GLIS3: variants seen among roughly 807,000 people sequenced by gnomAD.
The protein encoded by GLIS3 is GLIS family zinc finger 3.
In GLIS3, 53 loss-of-function variants were observed where a neutral mutation model predicts 78.6. The ratio of observed to expected loss-of-function variants is 0.67; its 90% CI spans 0.54 to 0.85. GLIS3 has a LOEUF of 0.85. Ranked by LOEUF, GLIS3 falls within the 40% of genes least tolerant of loss-of-function variation. The pLI, the probability that GLIS3 is intolerant of heterozygous loss-of-function variation, is 0.00. For synonymous variants in GLIS3, 684 were observed against 509.9 expected (o/e 1.34, Z -4.60); for missense variants, 1,703 against 1,231.1 (o/e 1.38, Z -5.74).
At chr9:4,063,309 T>C (rs1826811753) in intron 4 of GLIS3, among the ~76,000 whole-genome samples, 1 of 152,186 alleles carries the variant, frequency 6.6e-6, no homozygotes, top group African/African-American at 2.4e-5. Flanking sequence ...GGAAGAGACT[T>C]TTTATGGGTA....
intron 4 of GLIS3, among the ~76,000 whole-genome samples, chr9:4,076,157 C>G (rs1828036297): frequency 6.6e-6 from 1 of 152,116 alleles, no homozygotes; most frequent in Non-Finnish European, 1.5e-5. Flanking sequence ...GTTGATTAAA[C>G]AATACATTTT....
At chr9:4,201,158 G>A (rs1024950424) in intron 2 of GLIS3, among the ~76,000 whole-genome samples, 2 of 152,034 alleles carry the variant, frequency 1.3e-5, no homozygotes, top group South Asian at 2.1e-4. Flanking sequence ...AAAACCTCAA[G>A]AAACTAGGCA....
At chr9:4,330,595 T>G (rs1817670272) in intron 2 of GLIS3, among the ~76,000 whole-genome samples, 2 of 139,006 alleles carry the variant, frequency 1.4e-5, no homozygotes, top group African/African-American at 2.9e-5. Flanking sequence ...GAAGGTTGGA[T>G]GGAGATGAGG....
At chr9:4,290,618 T>TA (rs1353142891) in intron 1 of GLIS3, among the ~76,000 whole-genome samples, 1 of 152,138 alleles carries the variant, frequency 6.6e-6, no homozygotes, top group Non-Finnish European at 1.5e-5. Flanking sequence ...CAAGGACAGA[T>TA]AGAGCTGAAT....
At chr9:4,068,286 G>A (rs1169089891) in intron 4 of GLIS3, among the ~76,000 whole-genome samples, 1 of 151,562 alleles carries the variant, frequency 6.6e-6, no homozygotes, top group Non-Finnish European at 1.5e-5. Context: ...GCGCAAGAAA[G>A]TTATAGAAAA....
intron 4 of GLIS3, among the ~76,000 whole-genome samples, chr9:4,106,602 G>C (rs1830771932): frequency 2.0e-5 from 3 of 152,108 alleles, no homozygotes; most frequent in African/African-American, 7.2e-5. Flanking sequence ...TTTTTTCCTT[G>C]AGTGTGTGCC....
chr9:4,191,881 A>G (rs1043412792), intron 2 of GLIS3, among the ~76,000 whole-genome samples: 4 of 152,092 alleles, frequency 2.6e-5, no homozygotes, highest in African/African-American at 9.6e-5. Context: ...AATTAATATT[A>G]AATATTAATT....
At chr9:3,849,998 C>T (rs866420451) in intron 9 of GLIS3, among the ~76,000 whole-genome samples, 2 of 152,006 alleles carry the variant, frequency 1.3e-5, no homozygotes, top group African/African-American at 2.4e-5. Context: ...AAATGAACCC[C>T]GAAAAATCTT....
intron 8 of GLIS3, among the ~76,000 whole-genome samples, chr9:3,876,662 G>A (rs1038638599): frequency 1.5e-3 from 2 of 1,312 alleles, no homozygotes; most frequent in Non-Finnish European, 3.4e-3. Flanking sequence ...GAGAGAAAGA[G>A]AGAGAGAAAG....
chr9:4,008,894 C>T (rs2130002494), intron 4 of GLIS3, among the ~76,000 whole-genome samples: 1 of 152,012 alleles, frequency 6.6e-6, no homozygotes, highest in South Asian at 2.1e-4. Context: ...GCACTTGACC[C>T]AGCAGAGTCA....
intron 6 of GLIS3, among the ~76,000 whole-genome samples, chr9:3,918,387 G>T (rs1437382573): frequency 2.0e-5 from 3 of 152,130 alleles, no homozygotes; most frequent in Non-Finnish European, 4.4e-5. Context: ...GAAAAACCAT[G>T]ACAGTGTCTC....
At chr9:4,168,827 T>C (rs1289677373) in intron 2 of GLIS3, among the ~76,000 whole-genome samples, 1 of 152,134 alleles carries the variant, frequency 6.6e-6, no homozygotes, top group Non-Finnish European at 1.5e-5. Context: ...TCCACAAAAA[T>C]AGACAGAAGC....
At chr9:4,323,433 T>C (rs1436365246) in intron 2 of GLIS3, among the ~76,000 whole-genome samples, 3 of 152,248 alleles carry the variant, frequency 2.0e-5, no homozygotes, top group Non-Finnish European at 4.4e-5. Context: ...TGTTATGTTG[T>C]CTGTATTCGT....
At chr9:4,292,619 T>C (rs989195412) in intron 1 of GLIS3, among the ~76,000 whole-genome samples, 4 of 152,352 alleles carry the variant, frequency 2.6e-5, no homozygotes, top group African/African-American at 7.2e-5. Context: ...GCTTCATTCC[T>C]ACCACTGCTA....
chr9:3,943,100 T>G (rs1816053654), intron 4 of GLIS3, among the ~76,000 whole-genome samples: 1 of 152,158 alleles, frequency 6.6e-6, no homozygotes, highest in Admixed American at 6.5e-5. Flanking sequence ...TGCTTCTCCT[T>G]CGATGGACTT....
intron 2 of GLIS3, among the ~76,000 whole-genome samples, chr9:4,253,359 C>T (rs1824580401): frequency 6.6e-6 from 1 of 152,210 alleles, no homozygotes; most frequent in South Asian, 2.1e-4. Flanking sequence ...TGCCAAGGTG[C>T]AGTGGGCTCT....
the GLIS3 span, among the ~76,000 whole-genome samples, chr9:4,373,226 A>T: frequency 8.5e-5 from 13 of 152,338 alleles, no homozygotes; most frequent in Non-Finnish European, 5.9e-5. Context: ...ATTCTCAGAC[A>T]TCACTGATCA....
chr9:4,440,716 G>A, the GLIS3 span, among the ~76,000 whole-genome samples: 1 of 152,162 alleles, frequency 6.6e-6, no homozygotes, highest in Admixed American at 6.5e-5. Flanking sequence ...TATTTTGACA[G>A]GGGTTGCATT....
At chr9:4,057,322 G>A (rs1826230755) in intron 4 of GLIS3, among the ~76,000 whole-genome samples, 1 of 151,988 alleles carries the variant, frequency 6.6e-6, no homozygotes, top group African/African-American at 2.4e-5. Context: ...TTTGCACTGG[G>A]TCCTGACAAT....
Sources: allele counts gnomAD v4.1 joint callset (sites outside exome capture counted in the v4.1 genomes callset), GRCh38; gene constraint gnomAD v4.1.1; transcripts MANE v1.5; gene names NCBI Gene and HGNC (gene_info 2026-07-23, HGNC 2026-07-21).